Variants in SMYD3 observed in about 807,000 individuals in gnomAD.
SMYD3 encodes histone-lysine N-methyltransferase SMYD3.
A neutral mutation model predicts 57.7 loss-of-function variants in SMYD3; 36 were observed. That is an observed-to-expected ratio of 0.62 (90% CI 0.48 to 0.82). SMYD3 has a LOEUF of 0.82. SMYD3 is among the 40% of genes least tolerant of loss of function. The probability of loss-of-function intolerance (pLI) is 0.00; values close to 1 mark genes in which losing one functional copy is unlikely to be tolerated. For missense variants in SMYD3, 515 were observed against 538.8 expected (o/e 0.96, Z 0.44); for synonymous variants, 211 against 195.0 (o/e 1.08, Z -0.68).
chr1:246,496,619 G>A (rs1356723910), intron 1 of SMYD3, among the ~76,000 whole-genome samples: 1 of 152,106 alleles, frequency 6.6e-6, no homozygotes, highest in Non-Finnish European at 1.5e-5. Flanking sequence ...CTTGAGCCCA[G>A]GAGTTCAAGA....
chr1:245,777,334 G>C (rs1031925590), intron 10 of SMYD3, among the ~76,000 whole-genome samples: 1 of 152,172 alleles, frequency 6.6e-6, no homozygotes, highest in Non-Finnish European at 1.5e-5. Flanking sequence ...TACAAAACTA[G>C]TCAAAATTGC....
In SMYD3 at chr1:246,499,846, TC is replaced by T; in HGVS notation, c.164+7207del. ...AGATAAAACCCACATAAACAAAACA[TC>T]ATCAGCACTCTCAATAACGTTTTTT... On this transcript the variant is annotated intron_variant, in intron 1 of 11. Coordinates refer to ENST00000490107, the MANE Select transcript of SMYD3 (RefSeq NM_001167740.2). Among the ~76,000 whole-genome samples the T allele has an allele frequency of 2.4e-5, 3 of 126,136 alleles. No homozygotes were observed. In the East Asian group the frequency reaches 6.5e-4, roughly 27 times the overall value. The allele number at this position is 126,136 out of a possible 152,430, so 82.8% of individuals were successfully genotyped here. A position where few individuals can be genotyped will look rare whatever the true frequency, so the allele number is the denominator to read the frequency against.
chr1:246,012,496 T>C (rs568228140), intron 5 of SMYD3, among the ~76,000 whole-genome samples: 1 of 152,290 alleles, frequency 6.6e-6, no homozygotes, highest in South Asian at 2.1e-4. Context: ...CAAGAAACCT[T>C]TGCAGTTTGT....
intron 1 of SMYD3, among the ~76,000 whole-genome samples, chr1:246,400,987 A>G (rs895740167): frequency 1.3e-5 from 2 of 152,252 alleles, no homozygotes; most frequent in Non-Finnish European, 2.9e-5. Flanking sequence ...AAGCTCATAA[A>G]TCAAAAGAAA....
intron 8 of SMYD3, among the ~76,000 whole-genome samples, chr1:245,901,530 A>G (rs1440658909): frequency 6.6e-6 from 1 of 152,218 alleles, no homozygotes; most frequent in Non-Finnish European, 1.5e-5. Flanking sequence ...AAGTTGTTAC[A>G]TAAGTGATCT....
At chr1:246,458,762 G>A (rs533020797) in intron 1 of SMYD3, among the ~76,000 whole-genome samples, 47 of 151,704 alleles carry the variant, frequency 3.1e-4, no homozygotes, top group African/African-American at 7.0e-4. Flanking sequence ...CACCGCGCCC[G>A]GCCGGAAAAG....
At chr1:245,882,952 T>C (rs2052867897) in intron 8 of SMYD3, among the ~76,000 whole-genome samples, 1 of 152,190 alleles carries the variant, frequency 6.6e-6, no homozygotes, top group African/African-American at 2.4e-5. Flanking sequence ...AGTACACTCT[T>C]TTTAGAAAGG....
intron 2 of SMYD3, among the ~76,000 whole-genome samples, chr1:246,346,319 A>G (rs940522226): frequency 6.6e-6 from 1 of 152,014 alleles, no homozygotes; most frequent in Admixed American, 6.6e-5. Context: ...ACTACAGAAC[A>G]GTTCCTCTCC....
chr1:246,506,988 CG>C lies in SMYD3; in HGVS notation c.164+65del, dbSNP rs1413523142. 102 of 760,252 alleles carry C rather than the reference CG, an allele frequency of 1.3e-4. 1 individual carries two copies. The highest frequency in any genetic ancestry group is 2.2e-4 in the East Asian group (4 of 18,574). The allele number at this position is 760,252 out of a possible 1,614,324, so 47.1% of individuals were successfully genotyped here. On this transcript the variant is annotated intron_variant, in intron 1 of 11. Transcript: ENST00000490107. ...AGTCCCGCGGCTGCCGGCCGCCCGA[CG>C]CCCCCCCCTCCCCAGCACCCCACAC... is the stretch of plus-strand genomic sequence containing the variant.
chr1:246,120,385 C>T (rs1406292718), intron 5 of SMYD3, among the ~76,000 whole-genome samples: 1 of 152,120 alleles, frequency 6.6e-6, no homozygotes, highest in African/African-American at 2.4e-5. Context: ...CCTTAATCCA[C>T]CCTCTACTGA....
intron 5 of SMYD3, among the ~76,000 whole-genome samples, chr1:246,195,186 T>G (rs981804267): frequency 8.5e-5 from 13 of 152,208 alleles, no homozygotes; most frequent in Admixed American, 8.5e-4. Context: ...GTGACAAAAC[T>G]AAGTTTATGC....
intron 1 of SMYD3, among the ~76,000 whole-genome samples, chr1:246,479,386 G>A (rs1408661729): frequency 6.6e-6 from 1 of 152,048 alleles, no homozygotes; most frequent in Non-Finnish European, 1.5e-5. Context: ...AATTTACGAG[G>A]TTGTTCATTT....
chr1:245,943,719 T>C (rs746818622), intron 5 of SMYD3, among the ~76,000 whole-genome samples: 8 of 152,072 alleles, frequency 5.3e-5, no homozygotes, highest in Non-Finnish European at 1.2e-4. Context: ...TGAACATCAG[T>C]GTGAAAATCC....
intron 10 of SMYD3, among the ~76,000 whole-genome samples, chr1:245,810,978 A>G (rs2048437259): frequency 6.6e-6 from 1 of 152,172 alleles, no homozygotes; most frequent in South Asian, 2.1e-4. Context: ...AGTGCTCATT[A>G]CACTTCTGAT....
At chr1:246,488,248 G>A (rs1017469042) in intron 1 of SMYD3, among the ~76,000 whole-genome samples, 11 of 152,328 alleles carry the variant, frequency 7.2e-5, no homozygotes, top group African/African-American at 2.6e-4. Flanking sequence ...AGCTTGACTT[G>A]TACATCTTGA....
chr1:245,815,645 CTG>C (rs2048763741), intron 10 of SMYD3, among the ~76,000 whole-genome samples: 1 of 152,370 alleles, frequency 6.6e-6, no homozygotes, highest in African/African-American at 2.4e-5. Flanking sequence ...TAGCACCTCT[CTG>C]TGTCCTGCTC....
At chr1:246,471,370 G>GT (rs558201159) in intron 1 of SMYD3, among the ~76,000 whole-genome samples, 245 of 151,898 alleles carry the variant, frequency 1.6e-3, no homozygotes, top group African/African-American at 5.3e-3. Flanking sequence ...AGTTAATTCT[G>GT]TTTTTTTGTA....
intron 5 of SMYD3, among the ~76,000 whole-genome samples, chr1:246,290,815 A>C (rs1333502171): frequency 3.3e-5 from 5 of 152,110 alleles, no homozygotes; most frequent in Non-Finnish European, 7.4e-5. Flanking sequence ...AATTAAATAC[A>C]CACAATCTTA....
intron 8 of SMYD3, among the ~76,000 whole-genome samples, chr1:245,894,140 G>A (rs9728420): frequency 1 from 151,916 of 152,322 alleles, 75,758 homozygotes; most frequent in Middle Eastern, 1. Context: ...AAATGCACCA[G>A]CTGGTGCTCT....
Sources: gnomAD v4.1 joint callset for allele counts (sites outside exome capture counted in the v4.1 genomes callset) on GRCh38, gnomAD v4.1.1 for gene constraint, MANE v1.5 for transcripts, NCBI Gene and HGNC (gene_info 2026-07-23, HGNC 2026-07-21) for gene names.